Variants in DDX60 observed in about 807,000 individuals in gnomAD.
DDX60 encodes the protein probable ATP-dependent RNA helicase DDX60.
DDX60 carries 165 observed loss-of-function variants against 212.8 expected under a neutral mutation model. The ratio of observed to expected loss-of-function variants is 0.78; its 90% CI spans 0.68 to 0.88. The LOEUF (loss-of-function observed/expected upper bound fraction) is 0.88. Ranked by LOEUF, DDX60 falls within the 40% of genes least tolerant of loss-of-function variation. The pLI is 0.00. For missense variants in DDX60, 1,905 were observed against 2,003.9 expected (o/e 0.95, Z 0.94); for synonymous variants, 703 against 685.3 (o/e 1.03, Z -0.40).
At chr4:168,311,211 G>T in intron 2 of DDX60, 45 bp downstream of exon 2, 1 of 1,598,086 alleles carries the variant, frequency 6.3e-7, no homozygotes, top group Admixed American at 1.7e-5. Context: ...AGTTTACAGG[G>T]TAACATTGTT....
Position 168,314,293 on chromosome 4 carries a change from C to T in DDX60, c.-106-2928G>A, listed in dbSNP as rs1335722983. On this transcript the variant is annotated intron_variant, in intron 1 of 37. Transcript: ENST00000393743. The stretch of plus-strand genomic sequence containing the variant: ...AGGGAGAGACATGCTAGAGATCCAG[C>T]CACCTGTAGTAACTAATGATTGAAC... 3.3e-5 allele frequency among the ~76,000 whole-genome samples: 5 copies of T among 151,354 alleles called. No homozygotes were observed. In the East Asian group the frequency reaches 9.7e-4, roughly 29 times the overall value.
At chr4:168,219,789 C>T (rs1020814199) in intron 37 of DDX60, among the ~76,000 whole-genome samples, 2 of 152,108 alleles carry the variant, frequency 1.3e-5, no homozygotes, top group African/African-American at 2.4e-5. Flanking sequence ...GTAACCGCAG[C>T]ACTTTGGGAG....
chr4:168,243,266 A>G (rs1336788781), intron 30 of DDX60, among the ~76,000 whole-genome samples: 1 of 152,222 alleles, frequency 6.6e-6, no homozygotes, highest in Non-Finnish European at 1.5e-5. Flanking sequence ...ACACTGATAA[A>G]TGGGATCTAA....
At position 168,273,322 on chromosome 4, in the gene DDX60, CCA is replaced by C; in HGVS notation, c.2529_2530del (p.Cys843TrpfsTer10). On this transcript the variant is annotated frameshift_variant, in exon 18 of 38. Coordinates refer to ENST00000393743, the MANE Select transcript of DDX60 (RefSeq NM_017631.6). LOFTEE classifies it high-confidence loss of function. ...ATGACGATACTCCCTGGTGAAAACACCACAGAGAACTTCACCACTTGGCAGAT... is the reference window on the plus strand; with the variant it reads ...ATGACGATACTCCCTGGTGAAAACACCAGAGAACTTCACCACTTGGCAGAT... 3.1e-6 allele frequency: 5 copies of C among 1,613,968 alleles called. No homozygotes were observed. Among genetic ancestry groups the C allele is most frequent in the Non-Finnish European group, 4.2e-6 (5 of 1,179,902 alleles).
intron 20 of DDX60, among the ~76,000 whole-genome samples, chr4:168,268,602 G>T (rs913518077): frequency 6.6e-6 from 1 of 151,990 alleles, no homozygotes. Context: ...CTTTTCTGAT[G>T]AATCATTTTT....
At position 168,314,603 on chromosome 4, in the gene DDX60, T is replaced by C. The variant is rs147188463; in HGVS notation, c.-106-3238A>G. On this transcript the variant is annotated intron_variant, in intron 1 of 37. Coordinates refer to ENST00000393743, the MANE Select transcript of DDX60 (RefSeq NM_017631.6). Reference sequence around the variant, plus strand: ...TTGCAGAACAATAAAATGAGCATGCTGGAATTTTTAGTCAGTGATCTGTAG... The same window carrying C: ...TTGCAGAACAATAAAATGAGCATGCCGGAATTTTTAGTCAGTGATCTGTAG... Among the ~76,000 whole-genome samples, 110 of 152,298 alleles carry C rather than the reference T, an allele frequency of 7.2e-4. No homozygotes were observed. In the East Asian group the frequency reaches 0.02, roughly 28 times the overall value.
chr4:168,262,817 C>T, intron 22 of DDX60, 30 bp from the exon 23 acceptor site: 1 of 1,445,520 alleles, frequency 6.9e-7, no homozygotes, highest in Admixed American at 2.0e-5. Context: ...AATTTTTACT[C>T]TTTATTTTAT....
intron 30 of DDX60, among the ~76,000 whole-genome samples, chr4:168,240,014 A>G (rs1733782474): frequency 6.6e-6 from 1 of 152,206 alleles, no homozygotes; most frequent in South Asian, 2.1e-4. Flanking sequence ...ATATTCAAAG[A>G]GGAAGAGAGG....
intron 33 of DDX60, among the ~76,000 whole-genome samples, chr4:168,229,609 C>T (rs2149493073): frequency 6.6e-6 from 1 of 152,052 alleles, no homozygotes; most frequent in South Asian, 2.1e-4. Context: ...AGTGGGGAGG[C>T]TTGTAGCCTG....
In DDX60 at chr4:168,216,839, A is replaced by G; in HGVS notation, c.*94T>C. 1 of 727,680 alleles carries G rather than the reference A, an allele frequency of 1.4e-6. No homozygotes were observed. Among genetic ancestry groups the G allele is most frequent in the Admixed American group, 3.2e-5 (1 of 31,062 alleles). The allele number at this position is 727,680 out of a possible 1,614,324, so 45.1% of individuals were successfully genotyped here. A position where few individuals can be genotyped will look rare whatever the true frequency, so the allele number is the denominator to read the frequency against. On this transcript the variant is annotated 3_prime_UTR_variant, in exon 38 of 38. Transcript: ENST00000393743. ...CATCGTAATGTATTTCCACTTTATCATAATGTATTTCTGGCAAGAAGCATA... is the reference window on the plus strand; with the variant it reads ...CATCGTAATGTATTTCCACTTTATCGTAATGTATTTCTGGCAAGAAGCATA...
chr4:168,252,031 T>C (rs1379419340), intron 27 of DDX60, among the ~76,000 whole-genome samples: 1 of 152,254 alleles, frequency 6.6e-6, no homozygotes, highest in Non-Finnish European at 1.5e-5. Flanking sequence ...TTAGCTATAA[T>C]GTAAAAAGCC....
chr4:168,251,475 G>T (rs1560828051), intron 27 of DDX60, among the ~76,000 whole-genome samples: 1 of 152,242 alleles, frequency 6.6e-6, no homozygotes, highest in Non-Finnish European at 1.5e-5. Context: ...GGCAGAGGAG[G>T]TTCCTTACCC....
chr4:168,325,860 C>T, the DDX60 span, among the ~76,000 whole-genome samples: 4,074 of 152,288 alleles, frequency 0.027, 76 homozygotes, highest in Non-Finnish European at 0.046. Context: ...CTGATTTCCT[C>T]CTTTGTCATA....
chr4:168,257,892 A>C (rs1734476506), intron 25 of DDX60, among the ~76,000 whole-genome samples: 2 of 152,220 alleles, frequency 1.3e-5, no homozygotes, highest in South Asian at 4.1e-4. Flanking sequence ...TTAGAAACAC[A>C]GTTCTTTGGT....
At chr4:168,263,281 A>G (rs1478469840) in intron 22 of DDX60, among the ~76,000 whole-genome samples, 2 of 152,182 alleles carry the variant, frequency 1.3e-5, no homozygotes, top group African/African-American at 4.8e-5. Context: ...CAAGACTCCA[A>G]GAAATTTCTC....
chr4:168,228,872 C>T (rs1460913496), intron 33 of DDX60, among the ~76,000 whole-genome samples: 3 of 152,058 alleles, frequency 2.0e-5, no homozygotes, highest in Non-Finnish European at 4.4e-5. Flanking sequence ...CATCTGAAAA[C>T]ATCTTAATTT....
Position 168,252,616 on chromosome 4 carries a change from T to C in DDX60, c.3598A>G (p.Ser1200Gly), listed in dbSNP as rs1340782619. 6.2e-7 allele frequency: 1 copy of C among 1,612,302 alleles called. No homozygotes were observed. The highest frequency in any genetic ancestry group is 8.5e-7 in the Non-Finnish European group (1 of 1,179,222). Reference sequence around the variant, plus strand: ...TCATGTTCAGCTTCATGTATTAGGCTTTGATCCACATTTCTGGTTTTTTTC... The same window carrying C: ...TCATGTTCAGCTTCATGTATTAGGCCTTGATCCACATTTCTGGTTTTTTTC... ...SQKKTRNVDQ[S>G]LIHEAEHDNL... Residue 1200 changes from serine to glycine, a missense_variant, in exon 27 of 38, where the codon AGC (serine) becomes GGC (glycine). Physicochemically the swap from Ser to Gly is moderately conservative, Grantham distance 56 (BLOSUM62 0). Transcript: ENST00000393743.
In DDX60 at chr4:168,221,884, GA is replaced by G. The variant is rs34103425; in HGVS notation, c.4825-4del. Reference sequence around the variant, plus strand: ...ACACCGATTGTGCCTAGAGTAACCTGAAAAAATACGATTATTCTTAATGTAT... The same window carrying G: ...ACACCGATTGTGCCTAGAGTAACCTGAAAAATACGATTATTCTTAATGTAT... On this transcript the variant is annotated splice_region_variant and splice_polypyrimidine_tract_variant and intron_variant, in intron 35 of 37. Coordinates refer to ENST00000393743, the MANE Select transcript of DDX60 (RefSeq NM_017631.6). 3 of 1,604,630 alleles carry G rather than the reference GA, an allele frequency of 1.9e-6. No individual in the cohort carries two copies. Among genetic ancestry groups the G allele is most frequent in the East Asian group, 4.5e-5 (2 of 44,576 alleles).
At chr4:168,311,499 C>A in intron 1 of DDX60, 134 bp from the exon 2 acceptor site, 1 of 464,832 alleles carries the variant, frequency 2.2e-6, no homozygotes. Context: ...TCTCACAGAG[C>A]TTAAAGATAA....
Sources: allele counts gnomAD v4.1 joint callset (sites outside exome capture counted in the v4.1 genomes callset), GRCh38; gene constraint gnomAD v4.1.1; transcripts MANE v1.5; gene names NCBI Gene and HGNC (gene_info 2026-07-23, HGNC 2026-07-21).